The following SCN10A variants were observed in gnomAD, a reference collection of about 807,000 sequenced individuals.
The protein encoded by SCN10A is sodium channel protein type 10 subunit alpha.
A neutral mutation model predicts 170.7 loss-of-function variants in SCN10A; 162 were observed. The ratio of observed to expected loss-of-function variants is 0.95; its 90% CI spans 0.84 to 1.08. The LOEUF (loss-of-function observed/expected upper bound fraction) is 1.08. Ranked by LOEUF, SCN10A falls within the 50% of genes least tolerant of loss-of-function variation. The pLI is 0.00. For synonymous variants in SCN10A, 985 were observed against 904.6 expected, an observed-to-expected ratio of 1.09 and a Z score of -1.59; for missense variants, 2,527 against 2,436.9, an observed-to-expected ratio of 1.04 and a Z score of -0.78.
intron 25 of SCN10A, among the ~76,000 whole-genome samples, chr3:38,709,046 C>A (rs937547050): frequency 3.0e-4 from 46 of 152,198 alleles, no homozygotes; most frequent in African/African-American, 1.1e-3. Context: ...AGGCACAAGC[C>A]TTCCTCCCCA....
chr3:38,749,748 C>T (rs745875354), intron 13 of SCN10A, among the ~76,000 whole-genome samples: 11 of 152,120 alleles, frequency 7.2e-5, no homozygotes, highest in Admixed American at 2.0e-4. Context: ...TCTTGTACAC[C>T]GGAGAGCTGG....
intron 16 of SCN10A, 51 bp downstream of exon 16, chr3:38,728,491 G>C (rs2063479766): frequency 1.3e-6 from 2 of 1,503,068 alleles, no homozygotes; most frequent in African/African-American, 2.8e-5. Context: ...TAACCCAGAA[G>C]CCTTCTCCTT....
At position 38,755,773 on chromosome 3, in the gene SCN10A, AC is replaced by A. The variant is rs1344393739; in HGVS notation, c.1461+14del. The A allele has an allele frequency of 6.8e-6, 11 of 1,612,654 alleles. No individual in the cohort carries two copies. Among genetic ancestry groups the A allele is most frequent in the Non-Finnish European group, 9.3e-6 (11 of 1,179,930 alleles). ...ATGGTGGGTAATCTTTAGAGCACAA[AC>A]CTGAGCCTCTTACCATCCTGCGCTG... On this transcript the variant is annotated intron_variant, in intron 11 of 27. Coordinates refer to ENST00000449082, the MANE Select transcript of SCN10A (RefSeq NM_006514.4).
chr3:38,779,836 TA>T lies in SCN10A; in HGVS notation c.471-8430del, dbSNP rs11344113. 9.1e-3 allele frequency among the ~76,000 whole-genome samples: 1,382 copies of T among 152,070 alleles called. 22 individuals carry two copies. The highest frequency in any genetic ancestry group is 0.031 in the African/African-American group (1,295 of 41,546). On this transcript the variant is annotated intron_variant, in intron 4 of 27. Coordinates refer to ENST00000449082, the MANE Select transcript of SCN10A (RefSeq NM_006514.4). ...GTCCTCTCATTTCATTAAATTTGGT[TA>T]TTTTTTTTAACTCTATTTCATTATG...
At chr3:38,791,930 C>T in intron 3 of SCN10A, 120 bp downstream of exon 3, 1 of 1,320,380 alleles carries the variant, frequency 7.6e-7, no homozygotes, top group Admixed American at 2.2e-5. Context: ...CTAATGACCT[C>T]ATTGTACTTT....
At chr3:38,706,508 A>G (rs1048054448) in intron 26 of SCN10A, among the ~76,000 whole-genome samples, 1 of 152,214 alleles carries the variant, frequency 6.6e-6, no homozygotes, top group Admixed American at 6.5e-5. Context: ...AAGACGATCA[A>G]CAATAATTTC....
Position 38,738,323 on chromosome 3 carries a change from C to T in SCN10A, c.2280+1192G>A, listed in dbSNP as rs188622649. 1.6e-4 allele frequency among the ~76,000 whole-genome samples: 25 copies of T among 152,260 alleles called. No homozygotes were observed. In the East Asian group the frequency reaches 4.6e-3, roughly 28 times the overall value. ...CTAGGTGAAATGGAGTCATCTTTGCCTGTCTACCTGAGGCAAATATCCAGT... is the reference window on the plus strand; with the variant it reads ...CTAGGTGAAATGGAGTCATCTTTGCTTGTCTACCTGAGGCAAATATCCAGT... On this transcript the variant is annotated intron_variant, in intron 15 of 27. Coordinates refer to ENST00000449082, the MANE Select transcript of SCN10A (RefSeq NM_006514.4).
At chr3:38,710,185 A>G (rs925828467) in intron 24 of SCN10A, among the ~76,000 whole-genome samples, 2 of 151,718 alleles carry the variant, frequency 1.3e-5, no homozygotes, top group South Asian at 2.1e-4. Context: ...TTTGAGATTG[A>G]GTCTCGCTGT....
Position 38,698,191 on chromosome 3 carries a change from AGGGGGGCCCTGTG to A in SCN10A, c.5016_5028del (p.Gly1674ValfsTer20). ...CTGTTGGGCAGATTGGGGTCACAGT[AGGGGGGCCCTGTG>A]TTGAGGATGGGGCTGAGGAGGCCAT... On this transcript the variant is annotated frameshift_variant, in exon 28 of 28. Transcript: ENST00000449082. LOFTEE classifies it high-confidence loss of function. 6.2e-7 allele frequency: 1 copy of A among 1,614,026 alleles called. No homozygotes were observed.
Position 38,792,030 on chromosome 3 carries a change from G to T in SCN10A, c.389+20C>A. 6.2e-7 allele frequency: 1 copy of T among 1,612,644 alleles called. No homozygotes were observed. The highest frequency in any genetic ancestry group is 8.5e-7 in the Non-Finnish European group (1 of 1,179,222). ...AGGTCTAATTGTAACACGTGGAAGA[G>T]GCAATCGTGCAAAGGATATGAGTGG... On this transcript the variant is annotated intron_variant, in intron 3 of 27. Transcript: ENST00000449082.
intron 18 of SCN10A, 116 bp downstream of exon 18, chr3:38,725,058 T>C (rs1559424751): frequency 2.2e-6 from 2 of 907,022 alleles, no homozygotes; most frequent in African/African-American, 1.7e-5. Context: ...AATGAGGTTA[T>C]GTGATTGAGT....
Position 38,728,589 on chromosome 3 carries a change from TG to T in SCN10A, c.2592del (p.Ile865TyrfsTer7), listed in dbSNP as rs1316092806. On this transcript the variant is annotated frameshift_variant, in exon 16 of 28. Transcript: ENST00000449082. LOFTEE classifies it high-confidence loss of function. ...ACCGTCAAGAAAAGGATGAGGCATA[TG>T]GATTTTTGGCCAACTTCCATGCAGG... ...MWACMEVGQK[S>X]ICLILFLTVM... 6.8e-6 allele frequency: 11 copies of T among 1,610,274 alleles called. No homozygotes were observed. Among genetic ancestry groups the T allele is most frequent in the Non-Finnish European group, 9.3e-6 (11 of 1,177,076 alleles).
At chr3:38,722,143 T>C (rs2063396404) in intron 20 of SCN10A, 115 bp downstream of exon 20, 2 of 1,003,592 alleles carry the variant, frequency 2.0e-6, no homozygotes, top group Non-Finnish European at 2.9e-6. Flanking sequence ...AGTGACAAGG[T>C]TGGGGACTTT....
intron 6 of SCN10A, among the ~76,000 whole-genome samples, chr3:38,763,078 A>G (rs2063893483): frequency 6.6e-6 from 1 of 152,234 alleles, no homozygotes; most frequent in African/African-American, 2.4e-5. Context: ...GGGTGTCTAA[A>G]GACAGGATTT....
intron 13 of SCN10A, among the ~76,000 whole-genome samples, chr3:38,743,454 T>C (rs557396705): frequency 2.0e-5 from 3 of 152,362 alleles, no homozygotes; most frequent in African/African-American, 7.2e-5. Flanking sequence ...TCTCTTTCAT[T>C]ACTGCTTCTT....
intron 15 of SCN10A, among the ~76,000 whole-genome samples, chr3:38,732,552 T>C (rs2063522315): frequency 7.0e-6 from 1 of 142,480 alleles, no homozygotes; most frequent in African/African-American, 2.6e-5. Context: ...AATTGCTTCA[T>C]TGAAAAAAGG....
intron 12 of SCN10A, among the ~76,000 whole-genome samples, chr3:38,750,709 T>C (rs1042544061): frequency 9.2e-5 from 14 of 152,214 alleles, no homozygotes; most frequent in African/African-American, 3.1e-4. Context: ...ACTGGCACAG[T>C]TGGGACTAAA....
At chr3:38,708,590 G>C (rs528540075) in intron 25 of SCN10A, among the ~76,000 whole-genome samples, 1 of 151,834 alleles carries the variant, frequency 6.6e-6, no homozygotes, top group Non-Finnish European at 1.5e-5. Flanking sequence ...CTCTTGAGGC[G>C]CTGCCAGTCA....
intron 12 of SCN10A, 29 bp from the exon 13 acceptor site, chr3:38,750,213 C>T (rs764061799): frequency 7.5e-7 from 1 of 1,335,356 alleles, no homozygotes; most frequent in South Asian, 1.2e-5. Flanking sequence ...AGTCAGGACG[C>T]TCCTTTAACC....
Sources: gnomAD v4.1 joint callset for allele counts (sites outside exome capture counted in the v4.1 genomes callset) on GRCh38, gnomAD v4.1.1 for gene constraint, MANE v1.5 for transcripts, NCBI Gene and HGNC (gene_info 2026-07-23, HGNC 2026-07-21) for gene names.